MBNL1: variants seen among roughly 807,000 people sequenced by gnomAD.
MBNL1 encodes the protein muscleblind-like protein 1.
A neutral mutation model predicts 42.2 loss-of-function variants in MBNL1; 8 were observed. The ratio of observed to expected loss-of-function variants is 0.19; its 90% CI spans 0.11 to 0.34. The LOEUF (loss-of-function observed/expected upper bound fraction) is 0.34. Ranked by LOEUF, MBNL1 falls within the 10% of genes least tolerant of loss-of-function variation. The pLI is 1.00. For missense variants in MBNL1, 309 were observed against 495.3 expected, an observed-to-expected ratio of 0.62 and a Z score of 3.57; for synonymous variants, 169 against 173.9, an observed-to-expected ratio of 0.97 and a Z score of 0.22.
At chr3:152,328,253 C>T (rs2081717890) in intron 2 of MBNL1, among the ~76,000 whole-genome samples, 1 of 152,022 alleles carries the variant, frequency 6.6e-6, no homozygotes, top group South Asian at 2.1e-4. Flanking sequence ...AGACTAGTAA[C>T]ACATTATTTT....
intron 2 of MBNL1, among the ~76,000 whole-genome samples, chr3:152,356,215 T>C (rs1000658870): frequency 1.3e-5 from 2 of 151,294 alleles, no homozygotes; most frequent in African/African-American, 2.4e-5. Flanking sequence ...TAAACAAATA[T>C]CCCAGCACAC....
intron 6 of MBNL1, among the ~76,000 whole-genome samples, chr3:152,451,444 T>A (rs999156559): frequency 2.3e-4 from 35 of 152,152 alleles, no homozygotes; most frequent in African/African-American, 8.2e-4. Context: ...TTTTCCTTCC[T>A]CCCTTCCTCT....
intron 2 of MBNL1, among the ~76,000 whole-genome samples, chr3:152,411,515 G>T (rs533773378): frequency 6.6e-6 from 1 of 152,190 alleles, no homozygotes; most frequent in East Asian, 1.9e-4. Context: ...GCAAGACTCC[G>T]TCTCAAAAAC....
intron 2 of MBNL1, among the ~76,000 whole-genome samples, chr3:152,354,747 T>C (rs980358607): frequency 6.6e-6 from 1 of 152,148 alleles, no homozygotes; most frequent in Non-Finnish European, 1.5e-5. Context: ...TGTTTAATCA[T>C]GTTGTAGAAT....
In MBNL1 at chr3:152,321,538, T is replaced by C. The variant is rs182830376; in HGVS notation, c.174+21171T>C. 3.1e-3 allele frequency among the ~76,000 whole-genome samples: 466 copies of C among 152,176 alleles called. 1 individual carries two copies. The highest frequency in any genetic ancestry group is 0.012 in the South Asian group (56 of 4,826). On this transcript the variant is annotated intron_variant, in intron 2 of 9. Transcript: ENST00000324210. Reference sequence around the variant, plus strand: ...ATCTCCCCTTGCCATGAAGCAATACTTAATGTCTTGAACAGTGAGCCTCTT... The same window carrying C: ...ATCTCCCCTTGCCATGAAGCAATACCTAATGTCTTGAACAGTGAGCCTCTT...
chr3:152,345,758 A>G (rs2094136904), intron 2 of MBNL1, among the ~76,000 whole-genome samples: 1 of 152,142 alleles, frequency 6.6e-6, no homozygotes, highest in Admixed American at 6.6e-5. Flanking sequence ...CTAGAGCCAG[A>G]TAACACAGGC....
chr3:152,408,728 C>T (rs1220022138), intron 2 of MBNL1, among the ~76,000 whole-genome samples: 2 of 151,682 alleles, frequency 1.3e-5, no homozygotes, highest in African/African-American at 2.4e-5. Flanking sequence ...TGTAAAGTGG[C>T]GGTTGGCTCT....
intron 1 of MBNL1, among the ~76,000 whole-genome samples, chr3:152,297,064 CATCTT>C (rs1388120104): frequency 1.3e-5 from 2 of 152,036 alleles, no homozygotes; most frequent in Non-Finnish European, 2.9e-5. Flanking sequence ...GAGGAAGTAA[CATCTT>C]AGCTGGCTTT....
chr3:152,445,629 C>T (rs866077023), intron 5 of MBNL1, 90 bp downstream of exon 5: 2 of 1,398,060 alleles, frequency 1.4e-6, no homozygotes, highest in South Asian at 1.4e-5. Flanking sequence ...ATTTAGTAAC[C>T]TTTTTAAAAA....
intron 2 of MBNL1, among the ~76,000 whole-genome samples, chr3:152,349,089 C>A (rs1039610520): frequency 6.6e-6 from 1 of 152,060 alleles, no homozygotes; most frequent in Non-Finnish European, 1.5e-5. Flanking sequence ...GACAGGGAAG[C>A]AAGATCAGGT....
At chr3:152,259,527 G>A (rs2035926774) in intron 2 of MBNL1, among the ~76,000 whole-genome samples, 1 of 152,138 alleles carries the variant, frequency 6.6e-6, no homozygotes. Flanking sequence ...CCGACATGCT[G>A]TACTTCTTGA....
At chr3:152,444,383 T>C (rs1372120070) in intron 4 of MBNL1, among the ~76,000 whole-genome samples, 1 of 152,110 alleles carries the variant, frequency 6.6e-6, no homozygotes, top group Non-Finnish European at 1.5e-5. Context: ...CAAACAGACA[T>C]AACAAAACCA....
At chr3:152,263,162 G>C (rs536151479), upstream of MBNL1, 2 of 152,286 alleles carry the variant, frequency 1.3e-5, no homozygotes, top group African/African-American at 4.8e-5. Context: ...TGACATGGGG[G>C]AGGTGGCCTT....
At chr3:152,412,507 A>G (rs147376291) in intron 2 of MBNL1, among the ~76,000 whole-genome samples, 9 of 152,330 alleles carry the variant, frequency 5.9e-5, no homozygotes, top group Non-Finnish European at 1.2e-4. Flanking sequence ...GGCTCAACAC[A>G]GTCAAATCAA....
intron 6 of MBNL1, among the ~76,000 whole-genome samples, chr3:152,450,920 C>A (rs947658023): frequency 6.6e-6 from 1 of 152,214 alleles, no homozygotes; most frequent in African/African-American, 2.4e-5. Flanking sequence ...ACCACACATT[C>A]ACATGTAATC....
chr3:152,271,257 TATGAA>T (rs542443611), intron 1 of MBNL1, among the ~76,000 whole-genome samples: 42 of 152,326 alleles, frequency 2.8e-4, no homozygotes, highest in African/African-American at 8.9e-4. Flanking sequence ...ACAGAATTCC[TATGAA>T]ATGAAACACT....
Position 152,386,975 on chromosome 3 carries a change from C to G in MBNL1, c.175-27966C>G, listed in dbSNP as rs533856020. On this transcript the variant is annotated intron_variant, in intron 2 of 9. Transcript: ENST00000324210. The stretch of plus-strand genomic sequence containing the variant: ...GAAGCAGGTATTTGGTAAGTTGGAT[C>G]TGGCTACTGCAGTGTTGTAAAAATA... Among the ~76,000 whole-genome samples the G allele has an allele frequency of 3.9e-4, 59 of 152,196 alleles. 1 individual carries two copies. Among genetic ancestry groups the G allele is most frequent in the Non-Finnish European group, 7.5e-4 (51 of 67,988 alleles).
chr3:152,282,663 T>TA (rs918208659), intron 1 of MBNL1, among the ~76,000 whole-genome samples: 3 of 151,490 alleles, frequency 2.0e-5, no homozygotes, highest in South Asian at 2.1e-4. Context: ...TTTCAATAAT[T>TA]AAAAAAAAAT....
At chr3:152,292,833 A>T (rs2151084714) in intron 1 of MBNL1, among the ~76,000 whole-genome samples, 1 of 150,884 alleles carries the variant, frequency 6.6e-6, no homozygotes, top group East Asian at 1.9e-4. Flanking sequence ...CAGTGGTGTG[A>T]TCATGGCTTA....
Sources: allele counts gnomAD v4.1 joint callset (sites outside exome capture counted in the v4.1 genomes callset), GRCh38; gene constraint gnomAD v4.1.1; transcripts MANE v1.5; gene names NCBI Gene and HGNC (gene_info 2026-07-23, HGNC 2026-07-21).